CCDC88A: variants seen among roughly 807,000 people sequenced by gnomAD.
The protein encoded by CCDC88A is girdin.
CCDC88A carries 54 observed loss-of-function variants against 234.3 expected under a neutral mutation model. That is an observed-to-expected ratio of 0.23 (90% CI 0.19 to 0.29). The LOEUF is 0.29. Among genes scored for constraint, CCDC88A ranks in the 10% least tolerant of loss-of-function variants. The pLI is 1.00. For synonymous variants in CCDC88A, 753 were observed against 737.8 expected, an observed-to-expected ratio of 1.02 and a Z score of -0.33; for missense variants, 1,832 against 2,123.4, an observed-to-expected ratio of 0.86 and a Z score of 2.70.
intron 2 of CCDC88A, among the ~76,000 whole-genome samples, chr2:55,392,139 T>C (rs1375305972): frequency 2.0e-5 from 3 of 152,184 alleles, no homozygotes; most frequent in African/African-American, 7.2e-5. Context: ...ATGCATCCTA[T>C]TAATATATGG....
intron 16 of CCDC88A, chr2:55,329,324 A>C (rs1424216433): frequency 6.6e-6 from 1 of 152,224 alleles, no homozygotes; most frequent in Non-Finnish European, 1.5e-5. Flanking sequence ...AAGACCCTGA[A>C]GACAACACTA....
chr2:55,410,856 G>A (rs988116511), intron 2 of CCDC88A, among the ~76,000 whole-genome samples: 51 of 151,140 alleles, frequency 3.4e-4, no homozygotes, highest in African/African-American at 1.2e-3. Flanking sequence ...TCTCGCCACT[G>A]CATTCCAGTC....
chr2:55,312,068 C>T (rs748289717), intron 23 of CCDC88A, among the ~76,000 whole-genome samples: 11 of 152,168 alleles, frequency 7.2e-5, no homozygotes, highest in Non-Finnish European at 1.5e-4. Flanking sequence ...AAATTCCTAT[C>T]GAACCTATAA....
chr2:55,405,739 T>C (rs1032403997), intron 2 of CCDC88A: 2 of 152,186 alleles, frequency 1.3e-5, no homozygotes, highest in African/African-American at 4.8e-5. Context: ...GGGATCTAAG[T>C]TGCCCACTCC....
intron 2 of CCDC88A, among the ~76,000 whole-genome samples, chr2:55,396,135 CTACTG>C (rs1366646699): frequency 2.6e-5 from 4 of 151,934 alleles, no homozygotes; most frequent in Non-Finnish European, 5.9e-5. Flanking sequence ...CACTGAGTAC[CTACTG>C]TACTGGCCAC....
At chr2:55,330,598 G>GTT (rs369793831) in intron 16 of CCDC88A, among the ~76,000 whole-genome samples, 1 of 151,930 alleles carries the variant, frequency 6.6e-6, no homozygotes, top group South Asian at 2.1e-4. Context: ...GAGTTTCTGG[G>GTT]TTTTTTTTGT....
Position 55,335,124 on chromosome 2 carries a change from G to A in CCDC88A, c.1697C>T (p.Thr566Ile). The A allele has an allele frequency of 6.4e-7, 1 of 1,562,424 alleles. No individual in the cohort carries two copies. The highest frequency in any genetic ancestry group is 1.2e-5 in the South Asian group (1 of 80,194). ...LEQENEHLNQ[T>I]VSSLRQRSQI... ...GGACCGCTGCCTTAAGGAAGACACT[G>A]TTTGATTCAGATGTTCATTTTCCTG... Residue 566 changes from threonine to isoleucine, a missense_variant, in exon 15 of 33, where the codon ACA (threonine) becomes ATA (isoleucine). Physicochemically the swap from Thr to Ile is moderately conservative, Grantham distance 89. This residue lies in a region of CCDC88A where 1,282 missense variants were observed against 1,543.6 expected (regional missense o/e 0.83). Transcript: ENST00000436346. This position sits in a 1 kb window ranked among gnomAD's most constrained non-coding sequence, Gnocchi z 4.5.
At chr2:55,390,289 T>C (rs1338285528) in intron 2 of CCDC88A, among the ~76,000 whole-genome samples, 4 of 152,170 alleles carry the variant, frequency 2.6e-5, no homozygotes, top group Non-Finnish European at 5.9e-5. Context: ...TATTAAGACA[T>C]TTCACCCTCA....
rs1377857305 is a variant in CCDC88A, at chr2:55,413,966, AAC to A, written c.164+4848_164+4849del. ...GACCGTCTCAAAAAACAAAAACAAA[AAC>A]AAAAAAAAAAAACAAGCAAACAAAC... On this transcript the variant is annotated intron_variant, in intron 2 of 32. Transcript: ENST00000436346. Among the ~76,000 whole-genome samples the A allele has an allele frequency of 9.6e-3, 397 of 41,344 alleles. 2 individuals are homozygous for A. The highest frequency in any genetic ancestry group is 0.019 in the Non-Finnish European group (267 of 14,312). 27.1% of individuals were successfully genotyped at this position (41,344 alleles called of 152,430 possible). A position where few individuals can be genotyped will look rare whatever the true frequency, so the allele number is the denominator to read the frequency against.
Position 55,291,114 on chromosome 2 carries a change from T to G in CCDC88A, c.*86A>C, listed in dbSNP as rs550486647. The G allele has an allele frequency of 6.5e-6, 1 of 152,672 alleles. No homozygotes were observed. Among genetic ancestry groups the G allele is most frequent in the South Asian group, 2.1e-4 (1 of 4,828 alleles). The allele number at this position is 152,672 out of a possible 1,614,324, so 9.5% of individuals were successfully genotyped here. ...TTCCTATAGTTGCTAGGTGTCTTGT[T>G]ACTTCAGAAATAAAGGCTTCATACT... On this transcript the variant is annotated 3_prime_UTR_variant, in exon 33 of 33. Coordinates refer to ENST00000436346, the MANE Select transcript of CCDC88A (RefSeq NM_001365480.1).
rs142472378 is a variant in CCDC88A, at chr2:55,302,053, C to T, written c.4491G>A (p.Gln1497=). 8.1e-6 allele frequency: 13 copies of T among 1,614,002 alleles called. No individual in the cohort carries two copies. Among genetic ancestry groups the T allele is most frequent in the African/African-American group, 8.0e-5 (6 of 75,062 alleles). The change falls in exon 27 of 33, where the codon CAG becomes CAA. Residue 1497 remains glutamine, a synonymous_variant. Transcript: ENST00000436346. ...TCCACTGTCCTGCTAGGACCATGGA[C>T]TGCACCAGGTCATTCATGGCTGGGA... is the stretch of plus-strand genomic sequence containing the variant. ...RRSMSMNDLV[Q]SMVLAGQWTG...
chr2:55,294,595 A>T, intron 31 of CCDC88A: 6 of 986,360 alleles, frequency 6.1e-6, no homozygotes, highest in Non-Finnish European at 7.2e-6. Flanking sequence ...TGTAATATAA[A>T]GTACACATTC....
In CCDC88A at chr2:55,322,578, T is replaced by C; in HGVS notation, c.3112A>G (p.Thr1038Ala). 1 of 1,608,910 alleles carries C rather than the reference T, an allele frequency of 6.2e-7. No homozygotes were observed. Among genetic ancestry groups the C allele is most frequent in the Non-Finnish European group, 8.5e-7 (1 of 1,175,842 alleles). Reference protein sequence around the residue: ...NKWERESQETTRELLKVKDRL... With the variant: ...NKWERESQETARELLKVKDRL... ...TCTTTAACTTTCAGAAGTTCTCTAG[T>C]CGTTTCTTGACTTTCTCGCTCCCAT... Residue 1038 changes from threonine to alanine, a missense_variant, in exon 18 of 33, where the codon ACT (threonine) becomes GCT (alanine). Coordinates refer to ENST00000436346, the MANE Select transcript of CCDC88A (RefSeq NM_001365480.1).
Position 55,344,351 on chromosome 2 carries a change from T to TA in CCDC88A, c.1188+16dup, listed in dbSNP as rs1437419047. 4 of 1,540,644 alleles carry TA rather than the reference T, an allele frequency of 2.6e-6. No homozygotes were observed. The highest frequency in any genetic ancestry group is 2.6e-6 in the Non-Finnish European group (3 of 1,141,672). ...TTCCTTAAAGGCCATGTAACTGATC[T>TA]ACCTCTTAAAACTTACCATTTCCAT... is the stretch of plus-strand genomic sequence containing the variant. On this transcript the variant is annotated intron_variant, in intron 11 of 32. Coordinates refer to ENST00000436346, the MANE Select transcript of CCDC88A (RefSeq NM_001365480.1).
intron 3 of CCDC88A, 87 bp from the exon 4 acceptor site, chr2:55,374,970 T>C: frequency 1.2e-6 from 1 of 801,104 alleles, no homozygotes; most frequent in Non-Finnish European, 2.1e-6. Context: ...TTGTACATTC[T>C]TCTGTAGGTG....
At chr2:55,389,555 G>C (rs141579123) in intron 2 of CCDC88A, among the ~76,000 whole-genome samples, 1 of 152,228 alleles carries the variant, frequency 6.6e-6, no homozygotes, top group Non-Finnish European at 1.5e-5. Flanking sequence ...TCTTTAATCT[G>C]TTCCCTTTCT....
intron 28 of CCDC88A, 94 bp from the exon 29 acceptor site, chr2:55,300,013 C>T (rs1435596535): frequency 1.2e-6 from 1 of 851,400 alleles, no homozygotes; most frequent in Non-Finnish European, 2.0e-6. Context: ...TTTGAGGAAG[C>T]AATCATGCAT....
chr2:55,411,779 C>CAAAAA (rs778872176), intron 2 of CCDC88A, among the ~76,000 whole-genome samples: 15 of 23,308 alleles, frequency 6.4e-4, no homozygotes, highest in East Asian at 1.3e-3. Flanking sequence ...GACTCCGTCT[C>CAAAAA]AAAAAAAAAA....
chr2:55,304,255 G>A (rs1036261471), intron 25 of CCDC88A, among the ~76,000 whole-genome samples: 23 of 152,100 alleles, frequency 1.5e-4, no homozygotes, highest in Admixed American at 1.4e-3. Flanking sequence ...CTATGATCAC[G>A]CCACTGCACT....
Sources: gnomAD v4.1 joint callset for allele counts (sites outside exome capture counted in the v4.1 genomes callset) on GRCh38, gnomAD v4.1.1 for gene constraint, gnomAD v4.1.1 regional missense constraint, Gnocchi (gnomAD v3.1) non-coding constraint, MANE v1.5 for transcripts, NCBI Gene and HGNC (gene_info 2026-07-23, HGNC 2026-07-21) for gene names.